The following VEZT variants were observed in gnomAD, a reference collection of about 807,000 sequenced individuals.
The protein encoded by VEZT is vezatin, adherens junctions transmembrane protein.
VEZT carries 39 observed loss-of-function variants against 79.9 expected under a neutral mutation model. The ratio of observed to expected loss-of-function variants is 0.49; its 90% CI spans 0.38 to 0.64. The LOEUF (loss-of-function observed/expected upper bound fraction) is 0.64. Ranked by LOEUF, VEZT falls within the 30% of genes least tolerant of loss-of-function variation. The pLI, the probability that VEZT is intolerant of heterozygous loss-of-function variation, is 0.00. For synonymous variants in VEZT, 325 were observed against 327.6 expected, an observed-to-expected ratio of 0.99 and a Z score of 0.09; for missense variants, 837 against 893.1, an observed-to-expected ratio of 0.94 and a Z score of 0.80.
intron 3 of VEZT, among the ~76,000 whole-genome samples, chr12:95,257,926 G>C (rs931712456): frequency 3.9e-5 from 6 of 152,150 alleles, no homozygotes; most frequent in African/African-American, 1.4e-4. Flanking sequence ...GATTTAGTCT[G>C]CTTCAGTAAC....
chr12:95,294,181 C>T (rs1340532975), intron 9 of VEZT, 91 bp from the exon 10 acceptor site: 5 of 1,085,392 alleles, frequency 4.6e-6, no homozygotes, highest in Non-Finnish European at 6.7e-6. Flanking sequence ...GCCACCACAC[C>T]TGGCCCCAAG....
In VEZT at chr12:95,262,887, C is replaced by A; in HGVS notation, c.259-19C>A. The stretch of plus-strand genomic sequence containing the variant: ...TTATATATGTGTTAATACCTCTCTT[C>A]TGGTATTTTAATGGCAAGGATATTG... On this transcript the variant is annotated intron_variant, in intron 3 of 11. Transcript: ENST00000436874. 1 of 1,557,588 alleles carries A rather than the reference C, an allele frequency of 6.4e-7. No individual in the cohort carries two copies. Among genetic ancestry groups the A allele is most frequent in the South Asian group, 1.2e-5 (1 of 84,194 alleles).
At chr12:95,278,520 C>G (rs1394821235) in intron 7 of VEZT, among the ~76,000 whole-genome samples, 1 of 152,032 alleles carries the variant, frequency 6.6e-6, no homozygotes, top group Non-Finnish European at 1.5e-5. Flanking sequence ...TGTGTATTAC[C>G]CCCTTCTGTA....
At chr12:95,293,538 T>C (rs2073470859) in intron 9 of VEZT, 1 of 152,362 alleles carries the variant, frequency 6.6e-6, no homozygotes, top group East Asian at 1.9e-4. Flanking sequence ...TTAAAAGATA[T>C]TTCCTTGTGA....
chr12:95,272,474 GGAGGTTA>G (rs1054752399), intron 6 of VEZT, among the ~76,000 whole-genome samples: 2 of 152,180 alleles, frequency 1.3e-5, no homozygotes, highest in African/African-American at 2.4e-5. Context: ...ACAGTAAGTT[GGAGGTTA>G]GAGTATGAAA....
chr12:95,266,014 G>A (rs971972345), intron 4 of VEZT, among the ~76,000 whole-genome samples: 2 of 152,258 alleles, frequency 1.3e-5, no homozygotes, highest in African/African-American at 4.8e-5. Context: ...AAATGTAGAG[G>A]CCTTTTGTTG....
In VEZT at chr12:95,301,079, A is replaced by T. The variant is rs903027228; in HGVS notation, c.*406A>T. 6.5e-6 allele frequency: 1 copy of T among 153,692 alleles called. No homozygotes were observed. Among genetic ancestry groups the T allele is most frequent in the Non-Finnish European group, 1.4e-5 (1 of 69,076 alleles). The allele number at this position is 153,692 out of a possible 1,614,324, so 9.5% of individuals were successfully genotyped here. The stretch of plus-strand genomic sequence containing the variant: ...CTGTATTCTTGCAGTTAATAACTGC[A>T]GCTATTATGTTAATAACAAGTTGTT... On this transcript the variant is annotated 3_prime_UTR_variant, in exon 12 of 12. Coordinates refer to ENST00000436874, the MANE Select transcript of VEZT (RefSeq NM_017599.4).
At chr12:95,286,683 T>C in intron 8 of VEZT, 2 of 390,590 alleles carry the variant, frequency 5.1e-6, no homozygotes, top group Middle Eastern at 3.9e-4. Context: ...TCAGCATCTG[T>C]AAATTCCTTC....
At chr12:95,268,213 C>T (rs1047728328) in intron 5 of VEZT, among the ~76,000 whole-genome samples, 3 of 151,770 alleles carry the variant, frequency 2.0e-5, no homozygotes, top group South Asian at 4.2e-4. Context: ...GTAATATTTC[C>T]GGCCGGGCAC....
chr12:95,290,803 A>G (rs1327977683), intron 9 of VEZT: 2 of 152,144 alleles, frequency 1.3e-5, no homozygotes, highest in South Asian at 2.1e-4. Flanking sequence ...TATTTTATAT[A>G]GAATTTATAT....
intron 9 of VEZT, among the ~76,000 whole-genome samples, chr12:95,289,122 A>AAATT (rs2071908315): frequency 6.7e-6 from 1 of 149,274 alleles, no homozygotes; most frequent in African/African-American, 2.4e-5. Flanking sequence ...ATAAATAAAT[A>AAATT]AATAAATAAA....
At chr12:95,286,306 T>G in intron 8 of VEZT, 2 of 390,096 alleles carry the variant, frequency 5.1e-6, no homozygotes, top group South Asian at 4.2e-5. Flanking sequence ...ATTTTACATG[T>G]ATGTATGTAT....
chr12:95,284,239 A>C (rs952622006), intron 8 of VEZT, among the ~76,000 whole-genome samples: 2 of 152,180 alleles, frequency 1.3e-5, no homozygotes, highest in African/African-American at 4.8e-5. Context: ...CATCATATCC[A>C]ATTTGCTCTG....
At position 95,301,834 on chromosome 12, in the gene VEZT, T is replaced by C. The variant is rs574686231; in HGVS notation, c.*1161T>C. ...GTAAAGAAACACATTCAAATTCCTG[T>C]AACTTATCACTTTCAGTGAGTAAAT... On this transcript the variant is annotated 3_prime_UTR_variant, in exon 12 of 12. Transcript: ENST00000436874. The C allele has an allele frequency of 6.6e-6, 1 of 152,364 alleles. No homozygotes were observed. The highest frequency in any genetic ancestry group is 1.9e-4 in the East Asian group (1 of 5,192). 9.4% of individuals were successfully genotyped at this position (152,364 alleles called of 1,614,324 possible). A position where few individuals can be genotyped will look rare whatever the true frequency, so the allele number is the denominator to read the frequency against.
rs1300958287 is a variant in VEZT at position 95,266,498 on chromosome 12, A to T, written c.576A>T (p.Lys192Asn). 1.2e-6 allele frequency: 2 copies of T among 1,613,956 alleles called. No homozygotes were observed. The highest frequency in any genetic ancestry group is 1.7e-6 in the Non-Finnish European group (2 of 1,179,872). Residue 192 changes from lysine (K) to asparagine (N), a missense_variant, in exon 5 of 12, where the codon AAA becomes AAT. Lys to Asn is a moderately conservative substitution (Grantham distance 94). Coordinates refer to ENST00000436874, the MANE Select transcript of VEZT (RefSeq NM_017599.4). Reference sequence around the variant, plus strand: ...CTTTGAGATTATGGAGGACAGCCAAACTACAAGTGACCCTAAAAAAATACA... The same window carrying T: ...CTTTGAGATTATGGAGGACAGCCAATCTACAAGTGACCCTAAAAAAATACA... ...IRALRLWRTA[K>N]LQVTLKKYSV...
At chr12:95,274,398 C>T (rs918574734) in intron 6 of VEZT, among the ~76,000 whole-genome samples, 5 of 151,966 alleles carry the variant, frequency 3.3e-5, no homozygotes, top group Non-Finnish European at 1.5e-5. Flanking sequence ...CCTGAAAGGC[C>T]GAGGTTGCAG....
intron 9 of VEZT, 77 bp downstream of exon 9, chr12:95,287,934 C>T: frequency 7.9e-7 from 1 of 1,258,770 alleles, no homozygotes; most frequent in Non-Finnish European, 1.1e-6. Flanking sequence ...ATTAGGTAGA[C>T]TTCTTGTCTT....
At chr12:95,291,285 G>A (rs962765947) in intron 9 of VEZT, among the ~76,000 whole-genome samples, 8 of 152,040 alleles carry the variant, frequency 5.3e-5, no homozygotes, top group African/African-American at 9.7e-5. Context: ...ATTTTAAAAC[G>A]CTTCATATTT....
At chr12:95,290,202 T>G (rs1195657579) in intron 9 of VEZT, among the ~76,000 whole-genome samples, 1 of 152,354 alleles carries the variant, frequency 6.6e-6, no homozygotes, top group South Asian at 2.1e-4. Flanking sequence ...TCTTTCATGA[T>G]AAATATTTTG....
Sources: gnomAD v4.1 joint callset for allele counts (sites outside exome capture counted in the v4.1 genomes callset) on GRCh38, gnomAD v4.1.1 for gene constraint, MANE v1.5 for transcripts, NCBI Gene and HGNC (gene_info 2026-07-23, HGNC 2026-07-21) for gene names.